SLC7A1: variants seen among roughly 807,000 people sequenced by gnomAD.
The protein encoded by SLC7A1 is solute carrier family 7 member 1.
A neutral mutation model predicts 53.9 loss-of-function variants in SLC7A1; 10 were observed. The observed-to-expected ratio is 0.19, with a 90% confidence interval of 0.11 to 0.31. The LOEUF is 0.31. SLC7A1 is among the 10% of genes least tolerant of loss of function. SLC7A1 has a pLI of 1.00. For missense variants in SLC7A1, 525 were observed against 827.2 expected (o/e 0.63, Z 4.48); for synonymous variants, 342 against 338.7 (o/e 1.01, Z -0.11).
intron 2 of SLC7A1, among the ~76,000 whole-genome samples, chr13:29,546,426 T>A (rs972592528): frequency 6.6e-6 from 1 of 152,210 alleles, no homozygotes; most frequent in Non-Finnish European, 1.5e-5. Context: ...TTCCTGGCAG[T>A]TAAATTAGTT....
rs557728100 is a variant in SLC7A1 at position 29,581,923 on chromosome 13, T to C, written c.-115+13493A>G. Reference sequence around the variant, plus strand: ...AATACCAACACATTTATGTGCAACCTCAGGAATGGGATTTTTCTTCTCGGA... The same window carrying C: ...AATACCAACACATTTATGTGCAACCCCAGGAATGGGATTTTTCTTCTCGGA... On this transcript the variant is annotated intron_variant, in intron 1 of 12. Transcript: ENST00000380752. 2.0e-5 allele frequency among the ~76,000 whole-genome samples: 3 copies of C among 152,318 alleles called. No homozygotes were observed. In the South Asian group the frequency reaches 6.2e-4, roughly 32 times the overall value.
intron 2 of SLC7A1, among the ~76,000 whole-genome samples, chr13:29,549,722 G>C (rs1870089697): frequency 6.6e-6 from 1 of 152,236 alleles, no homozygotes; most frequent in Non-Finnish European, 1.5e-5. Flanking sequence ...TGGAGTGCAG[G>C]GGCACCATCT....
intron 11 of SLC7A1, 43 bp from the exon 12 acceptor site, chr13:29,516,289 G>A (rs770462452): frequency 1.3e-5 from 16 of 1,256,608 alleles, no homozygotes; most frequent in African/African-American, 2.9e-5. Context: ...CAGTGGCGCC[G>A]GTTCCAATAG....
intron 2 of SLC7A1, among the ~76,000 whole-genome samples, chr13:29,550,360 AATC>A (rs1870117905): frequency 6.6e-6 from 1 of 152,214 alleles, no homozygotes; most frequent in South Asian, 2.1e-4. Flanking sequence ...GTAGAAAAAA[AATC>A]AAGGAGCAAA....
At chr13:29,567,470 C>T (rs866265709) in intron 1 of SLC7A1, among the ~76,000 whole-genome samples, 2 of 152,182 alleles carry the variant, frequency 1.3e-5, no homozygotes, top group East Asian at 1.9e-4. Context: ...AAAAGTCATC[C>T]GGGAGGATAG....
chr13:29,522,754 A>C (rs1868686877), intron 7 of SLC7A1, among the ~76,000 whole-genome samples: 1 of 152,250 alleles, frequency 6.6e-6, no homozygotes, highest in African/African-American at 2.4e-5. Context: ...TTATTCCTGC[A>C]ATTATTTCTA....
At chr13:29,565,469 T>A (rs1870930096) in intron 1 of SLC7A1, among the ~76,000 whole-genome samples, 1 of 152,066 alleles carries the variant, frequency 6.6e-6, no homozygotes, top group Non-Finnish European at 1.5e-5. Context: ...TCCCAAGAGG[T>A]GGGGAAGAGG....
At chr13:29,568,885 A>G (rs528336) in intron 1 of SLC7A1, among the ~76,000 whole-genome samples, 4,449 of 152,240 alleles carry the variant, frequency 0.029, 213 homozygotes, top group African/African-American at 0.1. Flanking sequence ...CTAATACACC[A>G]AGTGACTCAG....
rs766345464 is a variant in SLC7A1 at position 29,533,323 on chromosome 13, T to TG, written c.371-342_371-341insC. On this transcript the variant is annotated intron_variant, in intron 3 of 12. Coordinates refer to ENST00000380752, the MANE Select transcript of SLC7A1 (RefSeq NM_003045.5). ...CTGATAATATTTAATGCTACCTACT[T>TG]TGTTTCATTAAAAAAAGTAAACATT... is the stretch of plus-strand genomic sequence containing the variant. 2.6e-5 allele frequency among the ~76,000 whole-genome samples: 4 copies of TG among 152,278 alleles called. No individual in the cohort carries two copies. The East Asian group carries it at 7.7e-4, about 29-fold the overall frequency.
At chr13:29,574,673 T>C (rs1370050583) in intron 1 of SLC7A1, among the ~76,000 whole-genome samples, 2 of 128,694 alleles carry the variant, frequency 1.6e-5, no homozygotes, top group African/African-American at 6.2e-5. Context: ...TGAGACGGAG[T>C]CTTGCTCTGT....
intron 1 of SLC7A1, among the ~76,000 whole-genome samples, chr13:29,574,134 A>C (rs1871310529): frequency 6.6e-6 from 1 of 152,228 alleles, no homozygotes; most frequent in East Asian, 1.9e-4. Context: ...TTCAAGAGAG[A>C]GGAAATTGAA....
At chr13:29,526,300 AC>A (rs1213827978) in intron 5 of SLC7A1, among the ~76,000 whole-genome samples, 1 of 145,390 alleles carries the variant, frequency 6.9e-6, no homozygotes, top group African/African-American at 2.8e-5. Context: ...CCCCATTAGT[AC>A]AAAAAAAAAA....
chr13:29,566,538 C>T (rs576050430), intron 1 of SLC7A1, among the ~76,000 whole-genome samples: 46 of 152,254 alleles, frequency 3.0e-4, no homozygotes, highest in East Asian at 9.6e-4. Flanking sequence ...GGTCACATTC[C>T]GTGTCATGCC....
At chr13:29,519,756 C>T (rs1868543228) in intron 8 of SLC7A1, among the ~76,000 whole-genome samples, 1 of 149,856 alleles carries the variant, frequency 6.7e-6, no homozygotes, top group African/African-American at 2.5e-5. Flanking sequence ...CAGTCCTCAA[C>T]AGACAGTAAT....
intron 2 of SLC7A1, among the ~76,000 whole-genome samples, chr13:29,543,648 G>A (rs1869770180): frequency 6.6e-6 from 1 of 152,036 alleles, no homozygotes; most frequent in Non-Finnish European, 1.5e-5. Context: ...TTCCCCAGGA[G>A]GAGGGAGAAG....
At chr13:29,590,308 GAAC>G (rs1361170315) in intron 1 of SLC7A1, among the ~76,000 whole-genome samples, 3 of 152,152 alleles carry the variant, frequency 2.0e-5, no homozygotes, top group African/African-American at 7.2e-5. Context: ...GGAGTAATTT[GAAC>G]AACATGTTTG....
chr13:29,532,721 G>A, intron 4 of SLC7A1, 103 bp downstream of exon 4: 2 of 1,035,360 alleles, frequency 1.9e-6, no homozygotes, highest in East Asian at 2.5e-5. Context: ...AGAAATGGGG[G>A]TTATGGTTAA....
chr13:29,580,377 C>T (rs1261438564), intron 1 of SLC7A1, among the ~76,000 whole-genome samples: 1 of 152,058 alleles, frequency 6.6e-6, no homozygotes, highest in East Asian at 1.9e-4. Context: ...CACCGTGCTT[C>T]CTCTCTGCTT....
chr13:29,578,902 C>G lies in SLC7A1; in HGVS notation c.-115+16514G>C, dbSNP rs191796004. ...GGCGGGGCCTGGCAGCAGGCAAGAA[C>G]TCTCGCTCTCACACATCTTTCAATA... On this transcript the variant is annotated intron_variant, in intron 1 of 12. Coordinates refer to ENST00000380752, the MANE Select transcript of SLC7A1 (RefSeq NM_003045.5). Among the ~76,000 whole-genome samples the G allele has an allele frequency of 1.2e-4, 19 of 152,370 alleles. No individual in the cohort carries two copies. In the East Asian group the frequency reaches 3.7e-3, roughly 29 times the overall value.
Sources: allele counts gnomAD v4.1 joint callset (sites outside exome capture counted in the v4.1 genomes callset), GRCh38; gene constraint gnomAD v4.1.1; transcripts MANE v1.5; gene names NCBI Gene and HGNC (gene_info 2026-07-23, HGNC 2026-07-21).